Variants in ASIC2 observed in about 807,000 individuals in gnomAD.
The protein encoded by ASIC2 is acid-sensing ion channel 2.
A neutral mutation model predicts 57.3 loss-of-function variants in ASIC2; 25 were observed. That is an observed-to-expected ratio of 0.44 (90% CI 0.32 to 0.61). The LOEUF is 0.61. ASIC2 is among the 20% of genes least tolerant of loss of function. The pLI is 0.06. For synonymous variants in ASIC2, 319 were observed against 307.5 expected (o/e 1.04, Z -0.39); for missense variants, 641 against 738.1 (o/e 0.87, Z 1.52).
chr17:33,713,716 T>C (rs1381309183), intron 1 of ASIC2, among the ~76,000 whole-genome samples: 1 of 152,272 alleles, frequency 6.6e-6, no homozygotes, highest in African/African-American at 2.4e-5. Flanking sequence ...AGCTGCAGAC[T>C]GGTGCCCCTT....
chr17:33,385,681 A>G (rs1909648654), intron 1 of ASIC2, among the ~76,000 whole-genome samples: 1 of 152,166 alleles, frequency 6.6e-6, no homozygotes, highest in South Asian at 2.1e-4. Flanking sequence ...AAGTTCTGCA[A>G]CTCTGCAGAG....
intron 6 of ASIC2, among the ~76,000 whole-genome samples, chr17:33,022,861 G>T (rs886768022): frequency 6.6e-6 from 1 of 152,156 alleles, no homozygotes; most frequent in African/African-American, 2.4e-5. Context: ...AAACACCAGA[G>T]GACTTTGAGA....
intron 1 of ASIC2, among the ~76,000 whole-genome samples, chr17:33,458,478 A>G (rs1378866304): frequency 6.6e-6 from 1 of 152,226 alleles, no homozygotes; most frequent in Admixed American, 6.5e-5. Context: ...GGCCAGAACC[A>G]TAATGGGCTC....
At chr17:33,583,587 A>G (rs1904514420) in intron 1 of ASIC2, among the ~76,000 whole-genome samples, 1 of 152,212 alleles carries the variant, frequency 6.6e-6, no homozygotes, top group Admixed American at 6.5e-5. Flanking sequence ...ATCAGGACCC[A>G]AACTCCAAGA....
chr17:33,176,533 G>C (rs1239947587), intron 1 of ASIC2, among the ~76,000 whole-genome samples: 2 of 152,044 alleles, frequency 1.3e-5, no homozygotes, highest in Admixed American at 6.5e-5. Flanking sequence ...GTAGAGATGG[G>C]GTCTCACCAC....
At chr17:33,488,950 A>T (rs1272840189) in intron 1 of ASIC2, among the ~76,000 whole-genome samples, 1 of 151,956 alleles carries the variant, frequency 6.6e-6, no homozygotes, top group East Asian at 1.9e-4. Context: ...ACCTGGTCTG[A>T]CCCAGTAGCA....
At chr17:33,259,421 G>T (rs1695445158) in intron 1 of ASIC2, among the ~76,000 whole-genome samples, 1 of 148,780 alleles carries the variant, frequency 6.7e-6, no homozygotes, top group Middle Eastern at 3.4e-3. Flanking sequence ...TCATTGCCTG[G>T]CATTCCACAT....
intron 1 of ASIC2, among the ~76,000 whole-genome samples, chr17:33,609,245 TC>T (rs1905316854): frequency 1.3e-5 from 2 of 152,186 alleles, no homozygotes; most frequent in Non-Finnish European, 2.9e-5. Context: ...CAAAACTGTG[TC>T]ATGTCAATCC....
At chr17:34,131,738 A>C (rs1911970746) in intron 1 of ASIC2, among the ~76,000 whole-genome samples, 1 of 152,190 alleles carries the variant, frequency 6.6e-6, no homozygotes, top group Non-Finnish European at 1.5e-5. Flanking sequence ...CCTTTCCTTT[A>C]ATCCCACTGA....
chr17:33,639,547 A>G (rs1906485354), intron 1 of ASIC2, among the ~76,000 whole-genome samples: 1 of 152,094 alleles, frequency 6.6e-6, no homozygotes, highest in Admixed American at 6.5e-5. Context: ...GAAATTCTCA[A>G]AGAGGAACTG....
chr17:33,781,164 G>A (rs976050156), intron 1 of ASIC2, among the ~76,000 whole-genome samples: 5 of 152,136 alleles, frequency 3.3e-5, no homozygotes, highest in African/African-American at 9.7e-5. Flanking sequence ...TTCCCAAAGT[G>A]CCCGCGTTTA....
At chr17:33,816,267 T>C (rs1912578364) in intron 1 of ASIC2, among the ~76,000 whole-genome samples, 1 of 152,080 alleles carries the variant, frequency 6.6e-6, no homozygotes, top group Admixed American at 6.6e-5. Flanking sequence ...TGCTTCTCAT[T>C]CTTAATGTTC....
intron 1 of ASIC2, among the ~76,000 whole-genome samples, chr17:33,273,731 G>A (rs1055207492): frequency 2.0e-5 from 3 of 152,172 alleles, no homozygotes; most frequent in African/African-American, 7.2e-5. Context: ...TTGAGGCACA[G>A]AAGGATTAAA....
At chr17:33,052,437 T>A (rs929134244) in intron 3 of ASIC2, 2 of 152,244 alleles carry the variant, frequency 1.3e-5, no homozygotes, top group Non-Finnish European at 2.9e-5. Context: ...CTGCAGTAAT[T>A]CTTGACAACT....
intron 1 of ASIC2, among the ~76,000 whole-genome samples, chr17:33,277,020 T>C (rs1904732882): frequency 6.6e-6 from 1 of 152,190 alleles, no homozygotes; most frequent in South Asian, 2.1e-4. Flanking sequence ...ATTGATGTCA[T>C]TTAGGAGCTT....
chr17:33,548,345 A>T (rs939171514), intron 1 of ASIC2, among the ~76,000 whole-genome samples: 1 of 152,216 alleles, frequency 6.6e-6, no homozygotes, highest in East Asian at 1.9e-4. Flanking sequence ...TAATTATCAC[A>T]TTTCGTTCCC....
intron 1 of ASIC2, among the ~76,000 whole-genome samples, chr17:33,318,992 A>G (rs1428647096): frequency 6.6e-6 from 1 of 152,146 alleles, no homozygotes; most frequent in Non-Finnish European, 1.5e-5. Context: ...GCCATTAAAA[A>G]CTATGCTCAC....
At chr17:33,036,359 G>A (rs941078161) in intron 3 of ASIC2, among the ~76,000 whole-genome samples, 1 of 152,090 alleles carries the variant, frequency 6.6e-6, no homozygotes, top group Non-Finnish European at 1.5e-5. Flanking sequence ...GTGCCACAAT[G>A]CCCCATAGGT....
At chr17:33,098,311 T>G (rs1376788817) in intron 2 of ASIC2, among the ~76,000 whole-genome samples, 1 of 152,194 alleles carries the variant, frequency 6.6e-6, no homozygotes, top group Non-Finnish European at 1.5e-5. Context: ...TTGCTGCCTA[T>G]CTAAAATTGG....
Sources: gnomAD v4.1 joint callset for allele counts (sites outside exome capture counted in the v4.1 genomes callset) on GRCh38, gnomAD v4.1.1 for gene constraint, MANE v1.5 for transcripts, NCBI Gene and HGNC (gene_info 2026-07-23, HGNC 2026-07-21) for gene names.